The following ARHGAP36 variants were observed in gnomAD, a reference collection of about 807,000 sequenced individuals.
ARHGAP36 encodes the protein Rho GTPase activating protein 36, also known as rho GTPase-activating protein 36.
A neutral mutation model predicts 32.9 loss-of-function variants in ARHGAP36; 7 were observed. The ratio of observed to expected loss-of-function variants is 0.21; its 90% CI spans 0.12 to 0.40. The LOEUF is 0.40. Ranked by LOEUF, ARHGAP36 falls within the 10% of genes least tolerant of loss-of-function variation. The probability of loss-of-function intolerance (pLI) is 1.00; values close to 1 mark genes in which losing one functional copy is unlikely to be tolerated. For synonymous variants in ARHGAP36, 165 were observed against 168.3 expected, an observed-to-expected ratio of 0.98 and a Z score of 0.15; for missense variants, 383 against 442.2, an observed-to-expected ratio of 0.87 and a Z score of 1.20.
rs139335005 is a variant in ARHGAP36, at chrX:131,072,689, C to A, written c.-142-8835C>A. On this transcript the variant is annotated intron_variant, in intron 1 of 11. Coordinates refer to ENST00000276211, the MANE Select transcript of ARHGAP36 (RefSeq NM_144967.4). Reference sequence around the variant, plus strand: ...TTCAGAGCATTCAGAGGGAAGGGACCCTTGGGCTGAATCTTGAAGGAGAGC... The same window carrying A: ...TTCAGAGCATTCAGAGGGAAGGGACACTTGGGCTGAATCTTGAAGGAGAGC... Among the ~76,000 whole-genome samples the A allele has an allele frequency of 9.3e-3, 1,037 of 111,403 alleles. 8 individuals are homozygous for A. Among genetic ancestry groups the A allele is most frequent in the African/African-American group, 0.032 (995 of 30,630 alleles).
intron 2 of ARHGAP36, among the ~76,000 whole-genome samples, 183 bp downstream of exon 2, chrX:131,082,101 G>A (rs748028598): frequency 1.8e-5 from 2 of 111,961 alleles, no homozygotes; most frequent in African/African-American, 6.5e-5. Flanking sequence ...TTGAATTGCG[G>A]AAGAGGTAAA....
chrX:131,058,474 G>T (rs925743236), intron 1 of ARHGAP36, 30 bp downstream of exon 1: 47 of 1,014,541 alleles, frequency 4.6e-5, no homozygotes, highest in Non-Finnish European at 5.5e-5. Context: ...TCGGGGGGCT[G>T]GGGTGCTCGG....
chrX:131,063,210 T>A (rs1388584020), intron 1 of ARHGAP36, among the ~76,000 whole-genome samples: 1 of 111,754 alleles, frequency 8.9e-6, no homozygotes, highest in Non-Finnish European at 1.9e-5. Flanking sequence ...GTAGATGGCA[T>A]GTTTGATGAG....
intron 1 of ARHGAP36, among the ~76,000 whole-genome samples, chrX:131,074,683 C>A (rs781504599): frequency 9.0e-6 from 1 of 111,430 alleles, no homozygotes; most frequent in Non-Finnish European, 1.9e-5. Context: ...ACCCATGGGC[C>A]TTTCTTGATA....
intron 1 of ARHGAP36, among the ~76,000 whole-genome samples, chrX:131,075,621 A>ATGTGTGTGTGTG (rs764591310): frequency 3.4e-3 from 97 of 28,386 alleles, no homozygotes; most frequent in African/African-American, 0.01. Context: ...GTGTGTATAT[A>ATGTGTGTGTGTG]TATGTGTGTG....
chrX:131,069,173 G>T (rs1193972826), intron 1 of ARHGAP36, among the ~76,000 whole-genome samples: 1 of 112,578 alleles, frequency 8.9e-6, no homozygotes, highest in Non-Finnish European at 1.9e-5. Flanking sequence ...GCCATAAGCG[G>T]ACTATGCGAG....
At position 131,083,818 on chromosome X, in the gene ARHGAP36, C is replaced by G; in HGVS notation, c.404C>G (p.Ala135Gly). 2.5e-6 allele frequency: 3 copies of G among 1,212,352 alleles called. No individual in the cohort carries two copies. Among genetic ancestry groups the G allele is most frequent in the Non-Finnish European group, 3.3e-6 (3 of 895,657 alleles). The change falls in exon 4 of 12, where the codon GCC (alanine) becomes GGC (glycine). Residue 135 changes from alanine (A) to glycine (G), a missense_variant. Transcript: ENST00000276211. ...FTRRKHLELT[A>G]TMQVEEATGQ... The stretch of plus-strand genomic sequence containing the variant: ...CGCCGCAAGCATCTTGAACTGACAG[C>G]CACGATGCAGGTTGAAGAAGCCACC...
At chrX:131,058,796 T>C (rs756310963) in intron 1 of ARHGAP36, among the ~76,000 whole-genome samples, 2 of 113,309 alleles carry the variant, frequency 1.8e-5, no homozygotes, top group Non-Finnish European at 3.7e-5. Flanking sequence ...AGGATGAATG[T>C]CCCTGACAGG....
intron 1 of ARHGAP36, chrX:131,078,794 T>C: frequency 1.1e-6 from 1 of 933,506 alleles, no homozygotes; most frequent in Non-Finnish European, 1.4e-6. Flanking sequence ...CTGCAGCATA[T>C]AACTGCTCTT....
intron 2 of ARHGAP36, 26 bp from the exon 3 acceptor site, chrX:131,083,139 A>T: frequency 2.5e-6 from 3 of 1,196,084 alleles, no homozygotes; most frequent in Non-Finnish European, 3.4e-6. Context: ...TTGTAAGTGT[A>T]TCTTTTCTTT....
chrX:131,084,565 A>T, intron 5 of ARHGAP36, 61 bp from the exon 6 acceptor site: 2 of 1,187,194 alleles, frequency 1.7e-6, no homozygotes, highest in Non-Finnish European at 2.3e-6. Context: ...TGAGGGGAGA[A>T]GAGAAATGCC....
At chrX:131,077,244 T>C (rs2079767277) in intron 1 of ARHGAP36, among the ~76,000 whole-genome samples, 2 of 112,442 alleles carry the variant, frequency 1.8e-5, no homozygotes, top group South Asian at 7.5e-4. Context: ...TGCCGCTGCC[T>C]GTAGTCATTT....
At chrX:131,074,020 T>G (rs2079746896) in intron 1 of ARHGAP36, among the ~76,000 whole-genome samples, 2 of 109,499 alleles carry the variant, frequency 1.8e-5, no homozygotes, top group South Asian at 8.1e-4. Context: ...TGACAGAAAA[T>G]TGGATGCTTG....
chrX:131,079,998 T>A (rs919456838), intron 1 of ARHGAP36, among the ~76,000 whole-genome samples: 2 of 111,836 alleles, frequency 1.8e-5, no homozygotes, highest in Admixed American at 1.9e-4. Context: ...TACTTCCAGC[T>A]CTCTACCCAA....
In ARHGAP36 at chrX:131,058,445, G is replaced by A; in HGVS notation, c.-143+1G>A. 9.3e-7 allele frequency: 1 copy of A among 1,073,067 alleles called. No individual in the cohort carries two copies. Among genetic ancestry groups the A allele is most frequent in the South Asian group, 2.6e-5 (1 of 38,691 alleles). 88.4% of individuals were successfully genotyped at this position (1,073,067 alleles called of 1,213,427 possible). On this transcript the variant is annotated splice_donor_variant, in intron 1 of 11. Coordinates refer to ENST00000276211, the MANE Select transcript of ARHGAP36 (RefSeq NM_144967.4). LOFTEE classifies it low-confidence loss of function (5UTR_SPLICE). ...GCCTTTGAGCCCCGCCCCCGCCGTG[G>A]TGAGTGGGGCCCACCGAGTCGGGGG...
intron 1 of ARHGAP36, among the ~76,000 whole-genome samples, chrX:131,078,137 G>C (rs962027260): frequency 8.1e-5 from 9 of 110,664 alleles, no homozygotes; most frequent in Non-Finnish European, 1.5e-4. Flanking sequence ...CCTCTGCAAA[G>C]AACCTTCACT....
intron 1 of ARHGAP36, among the ~76,000 whole-genome samples, chrX:131,060,967 T>C (rs769388053): frequency 2.7e-5 from 3 of 111,897 alleles, no homozygotes; most frequent in African/African-American, 9.7e-5. Flanking sequence ...AGGGCTATAA[T>C]TGCTTTGGTG....
chrX:131,064,122 C>G (rs758129572), intron 1 of ARHGAP36, among the ~76,000 whole-genome samples: 1 of 111,566 alleles, frequency 9.0e-6, no homozygotes, highest in East Asian at 2.8e-4. Context: ...AATAGTCATG[C>G]TTTTATTTTC....
chrX:131,079,608 G>T (rs372490358), intron 1 of ARHGAP36, among the ~76,000 whole-genome samples: 16 of 75,822 alleles, frequency 2.1e-4, no homozygotes, highest in African/African-American at 6.5e-4. Flanking sequence ...TTAGATTATT[G>T]CATGATAAAC....
Sources: allele counts gnomAD v4.1 joint callset (sites outside exome capture counted in the v4.1 genomes callset), GRCh38; gene constraint gnomAD v4.1.1; transcripts MANE v1.5; gene names NCBI Gene and HGNC (gene_info 2026-07-23, HGNC 2026-07-21).